CCDC57: variants seen among roughly 807,000 people sequenced by gnomAD.
CCDC57 encodes the protein coiled-coil domain containing 57.
In CCDC57, 118 loss-of-function variants were observed where a neutral mutation model predicts 118.9. The ratio of observed to expected loss-of-function variants is 0.99; its 90% CI spans 0.86 to 1.16. The LOEUF (loss-of-function observed/expected upper bound fraction) is 1.16. Ranked by LOEUF, CCDC57 falls within the 50% of genes most tolerant of loss-of-function variation. CCDC57 has a pLI of 0.00. For synonymous variants in CCDC57, 527 were observed against 532.9 expected (o/e 0.99, Z 0.15); for missense variants, 1,300 against 1,320.7 (o/e 0.98, Z 0.24).
intron 7 of CCDC57, among the ~76,000 whole-genome samples, chr17:82,191,379 C>G (rs2047652178): frequency 6.6e-6 from 1 of 152,136 alleles, no homozygotes; most frequent in African/African-American, 2.4e-5. Flanking sequence ...CCACGTGGAA[C>G]TGTCTATGAC....
chr17:82,140,171 C>T (rs1185803479), intron 16 of CCDC57, among the ~76,000 whole-genome samples: 2 of 152,110 alleles, frequency 1.3e-5, no homozygotes, highest in Non-Finnish European at 1.5e-5. Context: ...CTGCAAGCTC[C>T]GCCTCCCCAG....
intron 2 of CCDC57, among the ~76,000 whole-genome samples, chr17:82,202,764 AT>A (rs1185728050): frequency 1.3e-5 from 2 of 152,228 alleles, no homozygotes; most frequent in South Asian, 4.1e-4. Context: ...AATTAAAAAA[AT>A]AAATTAAAAA....
exon 6 of CCDC57, chr17:82,194,099 G>A: frequency 1.2e-6 from 2 of 1,613,868 alleles, no homozygotes; most frequent in Non-Finnish European, 1.7e-6. Flanking sequence ...CTTTGCCCCG[G>A]CTTCCTTCAG....
intron 1 of CCDC57, chr17:82,208,143 C>G (rs1246891225): frequency 2.0e-5 from 3 of 152,138 alleles, no homozygotes; most frequent in African/African-American, 7.2e-5. Context: ...CTCCCAAACT[C>G]AGGTGATCCA....
chr17:82,172,608 C>A lies in CCDC57; in HGVS notation c.1729+30G>T. ...CTCCCTCCCTCTCCCCCTTCCTCTCCCGCTCTGTCCGTTTCTCCCACTTAC... is the reference window on the plus strand; with the variant it reads ...CTCCCTCCCTCTCCCCCTTCCTCTCACGCTCTGTCCGTTTCTCCCACTTAC... On this transcript the variant is annotated intron_variant, in intron 12 of 19. Coordinates refer to ENST00000665763, the Ensembl canonical transcript of CCDC57. This position sits in a 1 kb window ranked among gnomAD's most constrained non-coding sequence, Gnocchi z 5.2. 3 of 1,538,692 alleles carry A rather than the reference C, an allele frequency of 1.9e-6. No individual in the cohort carries two copies. Among genetic ancestry groups the A allele is most frequent in the African/African-American group, 1.4e-5 (1 of 72,846 alleles).
chr17:82,201,391 C>T, intron 3 of CCDC57, 147 bp downstream of exon 2: 1 of 1,032,552 alleles, frequency 9.7e-7, no homozygotes, highest in Non-Finnish European at 1.4e-6. Context: ...CTCGGCCACT[C>T]AGACAGACCA....
intron 19 of CCDC57, among the ~76,000 whole-genome samples, chr17:82,120,465 C>T (rs915464911): frequency 6.6e-6 from 1 of 152,244 alleles, no homozygotes; most frequent in African/African-American, 2.4e-5. Flanking sequence ...AGTGTCGGTG[C>T]ACTGGAGGGC....
At chr17:82,199,476 T>TGAAAAAAAAAAAAAA (rs2048729206) in intron 3 of CCDC57, among the ~76,000 whole-genome samples, 1 of 41,382 alleles carries the variant, frequency 2.4e-5, no homozygotes, top group Non-Finnish European at 4.3e-5. Flanking sequence ...AGACTCTGTC[T>TGAAAAAAAAAAAAAA]CAAAAAAAAA....
exon 15 of CCDC57, chr17:82,157,936 G>A (rs1235314785): frequency 6.4e-7 from 1 of 1,555,312 alleles, no homozygotes; most frequent in South Asian, 1.2e-5. Context: ...GGCTCCAGGG[G>A]TTCCCGCAGC....
chr17:82,116,765 G>T (rs931337542), intron 19 of CCDC57, among the ~76,000 whole-genome samples: 3 of 152,178 alleles, frequency 2.0e-5, no homozygotes, highest in Non-Finnish European at 4.4e-5. Context: ...GCACTTAGTA[G>T]GCACTCAACA....
rs201831183 is a variant in CCDC57 at position 82,101,753 on chromosome 17, G to A, written c.3013C>T (p.Arg1005Trp). Residue 1005 changes from arginine to tryptophan, a missense_variant, in exon 20 of 20, where the codon CGG becomes TGG. Physicochemically the swap from Arg to Trp is moderately radical, Grantham distance 101 (BLOSUM62 -3). Coordinates refer to ENST00000665763, the Ensembl canonical transcript of CCDC57. Reference sequence around the variant, plus strand: ...CCTTTAGCTTTTGCAGGATGAGACCGGGAGGCTCCTGTGGTCTTGGCCTTT... The same window carrying A: ...CCTTTAGCTTTTGCAGGATGAGACCAGGAGGCTCCTGTGGTCTTGGCCTTT... 27 of 1,609,774 alleles carry A rather than the reference G, an allele frequency of 1.7e-5. No homozygotes were observed. The highest frequency in any genetic ancestry group is 9.4e-5 in the African/African-American group (7 of 74,826).
intron 2 of CCDC57, among the ~76,000 whole-genome samples, chr17:82,202,689 G>A (rs2049141509): frequency 6.6e-6 from 1 of 152,206 alleles, no homozygotes. Context: ...AGTGGAGGTT[G>A]CAGTGAGCAG....
chr17:82,212,270 G>A lies in CCDC57; in HGVS notation c.-211+515C>T, dbSNP rs575401448. On this transcript the variant is annotated intron_variant, in intron 1 of 19. Transcript: ENST00000665763. This position sits in a 1 kb window ranked among gnomAD's most constrained non-coding sequence, Gnocchi z 4.1. Reference sequence around the variant, plus strand: ...CAATAATTTTTGTATTTTTAGTAGAGAGGGGGTTTCACCATGTTGGCCAGG... The same window carrying A: ...CAATAATTTTTGTATTTTTAGTAGAAAGGGGGTTTCACCATGTTGGCCAGG... 6.0e-4 allele frequency among the ~76,000 whole-genome samples: 91 copies of A among 152,224 alleles called. No individual in the cohort carries two copies. The highest frequency in any genetic ancestry group is 2.1e-3 in the African/African-American group (87 of 41,528).
chr17:82,158,732 T>G (rs1301315800), intron 14 of CCDC57, among the ~76,000 whole-genome samples: 1 of 151,984 alleles, frequency 6.6e-6, no homozygotes, highest in Non-Finnish European at 1.5e-5. Context: ...ATTTATTTAC[T>G]TATTTTATTC....
At chr17:82,142,592 G>A (rs2040161288) in intron 16 of CCDC57, among the ~76,000 whole-genome samples, 2 of 152,136 alleles carry the variant, frequency 1.3e-5, no homozygotes, top group African/African-American at 2.4e-5. Flanking sequence ...GATTATAGGC[G>A]TGAGCCGCTA....
rs1555701762 is a variant in CCDC57, at chr17:82,148,088, G to GGACA, written c.2455+3471_2455+3472insTGTC. 7.1e-5 allele frequency among the ~76,000 whole-genome samples: 6 copies of GGACA among 84,056 alleles called. 1 individual carries two copies. The South Asian group carries it at 2.5e-3, about 35-fold the overall frequency. The allele number at this position is 84,056 out of a possible 152,430, so 55.1% of individuals were successfully genotyped here. ...TGGATGGGTGGGTAGATGGGTGGAT[G>GGACA]GATGGATGGGTGGGTGGGATAAGTG... On this transcript the variant is annotated intron_variant, in intron 16 of 19. Transcript: ENST00000665763.
At chr17:82,184,612 C>T (rs1247120295) in intron 8 of CCDC57, among the ~76,000 whole-genome samples, 1 of 152,254 alleles carries the variant, frequency 6.6e-6, no homozygotes, top group Non-Finnish European at 1.5e-5. Flanking sequence ...AGACGGCCCA[C>T]AAGAGCAACT....
At position 82,157,505 on chromosome 17, in the gene CCDC57, G is replaced by A. The variant is rs937690841; in HGVS notation, c.2241+243C>T. ...GGGAGGACTGGGATGGGCCCGTCCC[G>A]CCCCCCACCAACGGGGCATCAAGGT... On this transcript the variant is annotated intron_variant, in intron 15 of 19. Transcript: ENST00000665763. The A allele has an allele frequency of 1.4e-5, 20 of 1,420,918 alleles. No individual in the cohort carries two copies. In the African/African-American group the frequency reaches 1.7e-4, roughly 12 times the overall value. The allele number at this position is 1,420,918 out of a possible 1,614,324, so 88.0% of individuals were successfully genotyped here.
chr17:82,163,706 G>GA (rs5822503), intron 13 of CCDC57, among the ~76,000 whole-genome samples: 71,040 of 151,848 alleles, frequency 0.47, 17,417 homozygotes, highest in East Asian at 0.88. Flanking sequence ...CAGGGTCAAA[G>GA]AAAAAAATCA....
Sources: allele counts gnomAD v4.1 joint callset (sites outside exome capture counted in the v4.1 genomes callset), GRCh38; gene constraint gnomAD v4.1.1; non-coding constraint Gnocchi (gnomAD v3.1); transcripts MANE v1.5; gene names NCBI Gene and HGNC (gene_info 2026-07-23, HGNC 2026-07-21).